The following UPF2 variants were observed in gnomAD, a reference collection of about 807,000 sequenced individuals.
UPF2 encodes the protein UPF2 regulator of nonsense mediated mRNA decay.
A neutral mutation model predicts 141.4 loss-of-function variants in UPF2; 17 were observed. That is an observed-to-expected ratio of 0.12 (90% CI 0.08 to 0.18). The LOEUF (loss-of-function observed/expected upper bound fraction) is 0.18, where lower values mean the gene tolerates loss of function less well. Ranked by LOEUF, UPF2 falls within the 10% of genes least tolerant of loss-of-function variation. UPF2 has a pLI of 1.00. For synonymous variants in UPF2, 540 were observed against 498.0 expected, an observed-to-expected ratio of 1.08 and a Z score of -1.12; for missense variants, 1,152 against 1,515.9, an observed-to-expected ratio of 0.76 and a Z score of 3.99.
intron 9 of UPF2, among the ~76,000 whole-genome samples, chr10:11,973,931 GGTA>G (rs1833461726): frequency 6.6e-6 from 1 of 152,264 alleles, no homozygotes; most frequent in South Asian, 2.1e-4. Context: ...GAAAGTCTTT[GGTA>G]GTTTGATGGG....
chr10:11,966,732 CTAA>C (rs1351568294), intron 10 of UPF2, among the ~76,000 whole-genome samples: 1 of 152,168 alleles, frequency 6.6e-6, no homozygotes, highest in Non-Finnish European at 1.5e-5. Flanking sequence ...CCCTTCATTT[CTAA>C]TAATACTTCA....
At position 11,923,448 on chromosome 10, in the gene UPF2, C is replaced by T. The variant is rs184140638; in HGVS notation, c.3810-2141G>A. ...CTGTAATCCCAGCACTTTGGGAGGC[C>T]GAGGAGGGTGGATCATGAGGTCAGG... On this transcript the variant is annotated intron_variant, in intron 21 of 21. Coordinates refer to ENST00000357604, the MANE Select transcript of UPF2 (RefSeq NM_015542.4). Among the ~76,000 whole-genome samples, 130 of 148,700 alleles carry T rather than the reference C, an allele frequency of 8.7e-4. 1 individual carries two copies. Among genetic ancestry groups the T allele is most frequent in the African/African-American group, 3.0e-3 (122 of 40,278 alleles).
Position 11,992,418 on chromosome 10 carries a change from A to C in UPF2, c.1844+5254T>G, listed in dbSNP as rs1833794343. ...ACTAATATCAGATGAGTGACTAAAG[A>C]GAGTAAGAAAAGAAGACACCACAAA... is the stretch of plus-strand genomic sequence containing the variant. On this transcript the variant is annotated intron_variant, in intron 8 of 21. Coordinates refer to ENST00000357604, the MANE Select transcript of UPF2 (RefSeq NM_015542.4). The surrounding 1 kb of genome is among the most constrained non-coding windows in gnomAD (Gnocchi z 4.1). Among the ~76,000 whole-genome samples the C allele has an allele frequency of 6.6e-6, 1 of 152,200 alleles. No homozygotes were observed. Among genetic ancestry groups the C allele is most frequent in the African/African-American group, 2.4e-5 (1 of 41,456 alleles).
chr10:11,984,106 A>G (rs909231586), intron 8 of UPF2, among the ~76,000 whole-genome samples: 2 of 152,066 alleles, frequency 1.3e-5, no homozygotes, highest in Non-Finnish European at 2.9e-5. Flanking sequence ...TATTTTTAGT[A>G]GAGACGGGGT....
intron 19 of UPF2, among the ~76,000 whole-genome samples, chr10:11,933,461 T>C (rs1177689903): frequency 2.0e-5 from 3 of 152,200 alleles, no homozygotes; most frequent in Non-Finnish European, 2.9e-5. Context: ...CTAATATTTT[T>C]AAAATTTAGT....
chr10:11,982,200 T>C (rs567776508), intron 8 of UPF2, among the ~76,000 whole-genome samples: 36 of 152,332 alleles, frequency 2.4e-4, no homozygotes, highest in Admixed American at 1.2e-3. Flanking sequence ...TGATCAATTA[T>C]CAAATTCAAA....
intron 19 of UPF2, among the ~76,000 whole-genome samples, chr10:11,933,581 C>G (rs974972143): frequency 1.3e-5 from 2 of 152,296 alleles, no homozygotes; most frequent in Middle Eastern, 3.4e-3. Flanking sequence ...TTATAATCTA[C>G]CTACTTTGAA....
chr10:11,961,552 G>C (rs1273309276), intron 11 of UPF2, among the ~76,000 whole-genome samples: 1 of 152,080 alleles, frequency 6.6e-6, no homozygotes, highest in African/African-American at 2.4e-5. Context: ...GCACACCAAG[G>C]TGAGAAGGCT....
intron 16 of UPF2, 88 bp from the exon 17 acceptor site, chr10:11,943,256 A>T (rs1832958976): frequency 8.9e-7 from 1 of 1,119,612 alleles, no homozygotes; most frequent in Admixed American, 2.3e-5. Flanking sequence ...AAACTTCTGT[A>T]TAATTGTTTA....
At chr10:12,038,246 G>A (rs2131320596) in intron 1 of UPF2, among the ~76,000 whole-genome samples, 1 of 152,050 alleles carries the variant, frequency 6.6e-6, no homozygotes, top group South Asian at 2.1e-4. Context: ...AGCTGGGCGT[G>A]GTAGCAGGCG....
chr10:11,928,015 C>T (rs1486776809), intron 21 of UPF2, among the ~76,000 whole-genome samples: 9 of 152,118 alleles, frequency 5.9e-5, no homozygotes, highest in South Asian at 2.1e-4. Flanking sequence ...TGTAGAGCCT[C>T]GGTTTAAACA....
intron 1 of UPF2, among the ~76,000 whole-genome samples, chr10:12,041,900 G>A (rs1834741108): frequency 1.3e-5 from 2 of 152,140 alleles, no homozygotes; most frequent in African/African-American, 2.4e-5. Context: ...CCTCTAAGAT[G>A]AGCAAGAGAG....
intron 3 of UPF2, chr10:12,026,742 C>G: frequency 2.3e-6 from 1 of 431,560 alleles, no homozygotes; most frequent in Non-Finnish European, 4.5e-6. Flanking sequence ...CCTCCACCTC[C>G]CAGGGTCAAG....
At chr10:12,028,682 T>C in intron 3 of UPF2, 63 bp downstream of exon 3, 1 of 1,488,778 alleles carries the variant, frequency 6.7e-7, no homozygotes, top group Non-Finnish European at 9.0e-7. Flanking sequence ...ATGAAGACTT[T>C]AAACATTTTT....
intron 8 of UPF2, among the ~76,000 whole-genome samples, chr10:11,994,268 T>C (rs1833829356): frequency 6.6e-6 from 1 of 152,108 alleles, no homozygotes; most frequent in African/African-American, 2.4e-5. Flanking sequence ...TCTGTAACAG[T>C]TAAATATAGT....
chr10:11,955,439 G>A lies in UPF2; in HGVS notation c.2643C>T (p.Tyr881=), dbSNP rs1833133293. 7 of 1,613,988 alleles carry A rather than the reference G, an allele frequency of 4.3e-6. No homozygotes were observed. The highest frequency in any genetic ancestry group is 4.0e-5 in the African/African-American group (3 of 74,900). ...SAKFLGELYN[Y]RMVESAVIFR... ...AAATAACAGCTGATTCCACCATTCG[G>A]TAATTGTAAAGTTCTCCTAAGAACT... is the stretch of plus-strand genomic sequence containing the variant. Residue 881 remains tyrosine, a synonymous_variant, in exon 14 of 22, where the codon TAC becomes TAT. Coordinates refer to ENST00000357604, the MANE Select transcript of UPF2 (RefSeq NM_015542.4).
In UPF2 at chr10:11,948,349, C is replaced by T. The variant is rs955966097; in HGVS notation, c.3174+20G>A. The T allele has an allele frequency of 5.1e-6, 8 of 1,556,326 alleles. No individual in the cohort carries two copies. The highest frequency in any genetic ancestry group is 7.0e-6 in the Non-Finnish European group (8 of 1,149,124). On this transcript the variant is annotated intron_variant, in intron 16 of 21. Transcript: ENST00000357604. The stretch of plus-strand genomic sequence containing the variant: ...TCTTATACAAATGTACTCTATGTTG[C>T]TACATATAAAAGTCATCACCTCTTC...
intron 8 of UPF2, among the ~76,000 whole-genome samples, chr10:11,987,809 AGT>A (rs1205049360): frequency 1.4e-5 from 2 of 145,734 alleles, no homozygotes; most frequent in Non-Finnish European, 3.0e-5. Flanking sequence ...ATATAATGAT[AGT>A]GTTTTGAGAT....
chr10:11,991,479 C>T (rs899262533), intron 8 of UPF2, among the ~76,000 whole-genome samples: 72 of 151,902 alleles, frequency 4.7e-4, no homozygotes, highest in African/African-American at 1.7e-3. Flanking sequence ...CTGAATTTTT[C>T]AATATGAAAA....
Sources: gnomAD v4.1 joint callset for allele counts (sites outside exome capture counted in the v4.1 genomes callset) on GRCh38, gnomAD v4.1.1 for gene constraint, Gnocchi (gnomAD v3.1) non-coding constraint, MANE v1.5 for transcripts, NCBI Gene and HGNC (gene_info 2026-07-23, HGNC 2026-07-21) for gene names.